AHRR: variants seen among roughly 807,000 people sequenced by gnomAD.
AHRR encodes ahR repressor.
AHRR carries 28 observed loss-of-function variants against 44.0 expected under a neutral mutation model. The observed-to-expected ratio is 0.64, with a 90% CI of 0.47 to 0.87. AHRR has a LOEUF of 0.87. Ranked by LOEUF, AHRR falls within the 40% of genes least tolerant of loss-of-function variation. AHRR has a pLI of 0.00. For synonymous variants in AHRR, 434 were observed against 407.0 expected (o/e 1.07, Z -0.80); for missense variants, 990 against 953.9 (o/e 1.04, Z -0.50).
At chr5:364,742 T>G (rs1743297682) in intron 3 of AHRR, among the ~76,000 whole-genome samples, 1 of 151,444 alleles carries the variant, frequency 6.6e-6, no homozygotes, top group Non-Finnish European at 1.5e-5. Flanking sequence ...CTATATGCTG[T>G]TTACAGAAAA....
chr5:345,510 G>C (rs1188625098), intron 2 of AHRR, among the ~76,000 whole-genome samples: 1 of 94,432 alleles, frequency 1.1e-5, no homozygotes, highest in African/African-American at 2.8e-5. Context: ...GGGGGGGAGG[G>C]GGTGTGTGTG....
intron 5 of AHRR, chr5:420,969 T>C (rs116565263): frequency 0.013 from 3,563 of 267,822 alleles, 119 homozygotes; most frequent in African/African-American, 0.099. Context: ...CTGGCACCGC[T>C]GAACAGCCAA....
At position 387,891 on chromosome 5, in the gene AHRR, G is replaced by A. The variant is rs746650879; in HGVS notation, c.351+11175G>A. On this transcript the variant is annotated intron_variant, in intron 4 of 10. Transcript: ENST00000684583. The surrounding 1 kb of genome is among the most constrained non-coding windows in gnomAD (Gnocchi z 5.1). ...AGCGCCGATGGGCTGCAAGCGAGGT[G>A]TTGGCAGGACGGGCCCCTTGACAAA... 6.6e-6 allele frequency among the ~76,000 whole-genome samples: 1 copy of A among 152,252 alleles called. No individual in the cohort carries two copies. The highest frequency in any genetic ancestry group is 1.5e-5 in the Non-Finnish European group (1 of 68,036).
intron 3 of AHRR, 55 bp from the exon 4 acceptor site, chr5:376,555 A>AGCGTGGGGT: frequency 7.0e-7 from 1 of 1,428,922 alleles, no homozygotes; most frequent in Non-Finnish European, 9.4e-7. Flanking sequence ...TGAATGAAGA[A>AGCGTGGGGT]GAGTGGCCAG....
intron 3 of AHRR, among the ~76,000 whole-genome samples, chr5:375,783 C>G (rs775022507): frequency 1.4e-4 from 22 of 152,130 alleles, no homozygotes; most frequent in Non-Finnish European, 2.8e-4. Context: ...GGGTGTCCCT[C>G]CCATGTCTCC....
intron 4 of AHRR, 50 bp from the exon 5 acceptor site, chr5:413,293 AT>A (rs771668203): frequency 1.5e-6 from 2 of 1,354,702 alleles, no homozygotes; most frequent in African/African-American, 3.0e-5. Context: ...GCACTTTTTC[AT>A]TTTGGGTGAG....
In AHRR at chr5:382,294, C is replaced by T. The variant is rs529549909; in HGVS notation, c.351+5578C>T. Among the ~76,000 whole-genome samples the T allele has an allele frequency of 7.9e-5, 12 of 152,276 alleles. No homozygotes were observed. In the South Asian group the frequency reaches 1.0e-3, roughly 13 times the overall value. ...GAATTCATTAGTTAAAACATCTTGT[C>T]TGGGAGATTTCTTTGTTAGAAGATT... On this transcript the variant is annotated intron_variant, in intron 4 of 10. Coordinates refer to ENST00000684583, the MANE Select transcript of AHRR (RefSeq NM_001377236.1).
At chr5:416,338 T>C (rs1308312286) in intron 5 of AHRR, among the ~76,000 whole-genome samples, 1 of 152,246 alleles carries the variant, frequency 6.6e-6, no homozygotes, top group Non-Finnish European at 1.5e-5. Flanking sequence ...CAGCGGTGTT[T>C]GCCTGCCAGG....
chr5:377,356 G>T (rs528184188), intron 4 of AHRR, among the ~76,000 whole-genome samples: 129 of 152,312 alleles, frequency 8.5e-4, no homozygotes, highest in African/African-American at 2.9e-3. Flanking sequence ...GAAGATGAAG[G>T]GGGTTGCTGC....
In AHRR at chr5:423,533, G is replaced by A. The variant is rs1736230467; in HGVS notation, c.572-308G>A. On this transcript the variant is annotated intron_variant, in intron 6 of 10. Coordinates refer to ENST00000684583, the MANE Select transcript of AHRR (RefSeq NM_001377236.1). The stretch of plus-strand genomic sequence containing the variant: ...CGGAAAGTTTCCACCATGACAGTAT[G>A]ATTGACCTTAAAACAGCAAAGCCCA... Among the ~76,000 whole-genome samples, 3 of 151,798 alleles carry A rather than the reference G, an allele frequency of 2.0e-5. No individual in the cohort carries two copies. The Admixed American group carries it at 2.0e-4, about 10-fold the overall frequency.
intron 10 of AHRR, 105 bp downstream of exon 10, chr5:433,052 G>A (rs1736813457): frequency 1.6e-5 from 22 of 1,353,646 alleles, no homozygotes; most frequent in East Asian, 1.5e-4. Flanking sequence ...TAAAAAAGAC[G>A]ACAGCAGCCT....
intron 4 of AHRR, among the ~76,000 whole-genome samples, chr5:403,185 G>T (rs536024653): frequency 6.6e-6 from 1 of 152,176 alleles, no homozygotes; most frequent in East Asian, 1.9e-4. Flanking sequence ...GCAGAAAGCG[G>T]GTGGGACGTA....
intron 4 of AHRR, among the ~76,000 whole-genome samples, chr5:403,214 T>TG (rs1260636313): frequency 6.7e-6 from 1 of 149,574 alleles, no homozygotes; most frequent in South Asian, 2.1e-4. Context: ...AGGAGGGGAG[T>TG]GGGGGTGAGT....
intron 1 of AHRR, among the ~76,000 whole-genome samples, chr5:322,115 G>A (rs766049337): frequency 1.3e-5 from 2 of 151,952 alleles, no homozygotes; most frequent in Non-Finnish European, 2.9e-5. Context: ...CGTTCCGTGC[G>A]GGCCGCGCTC....
intron 10 of AHRR, 103 bp from the exon 11 acceptor site, chr5:433,750 A>G: frequency 7.8e-7 from 1 of 1,285,244 alleles, no homozygotes; most frequent in Middle Eastern, 2.9e-4. Flanking sequence ...TGGCAGATTT[A>G]GCATCGTCCT....
In AHRR at chr5:433,972, G is replaced by T. The variant is rs748227240; in HGVS notation, c.1232G>T (p.Gly411Val). ...ACAGCGGGAAAGCACAGTGAGGATG[G>T]TGCCAGGCCGAGGCTGCAGCCCAGC... ...PWTAGKHSED[G>V]ARPRLQPSKN... is the part of the protein sequence containing the mutation. The change falls in exon 11 of 11, where the codon GGT (glycine) becomes GTT (valine). Residue 411 changes from glycine to valine, a missense_variant. Coordinates refer to ENST00000684583, the MANE Select transcript of AHRR (RefSeq NM_001377236.1). 2 of 1,566,318 alleles carry T rather than the reference G, an allele frequency of 1.3e-6. No homozygotes were observed. The highest frequency in any genetic ancestry group is 4.5e-5 in the East Asian group (2 of 44,508).
intron 4 of AHRR, among the ~76,000 whole-genome samples, chr5:379,943 T>C (rs147877139): frequency 2.1e-3 from 315 of 152,366 alleles, no homozygotes; most frequent in African/African-American, 7.1e-3. Context: ...TGCTTTCTTC[T>C]AAAGTTGTAT....
At chr5:350,860 A>G (rs1184565019) in intron 2 of AHRR, among the ~76,000 whole-genome samples, 1 of 152,106 alleles carries the variant, frequency 6.6e-6, no homozygotes, top group African/African-American at 2.4e-5. Flanking sequence ...GTACTCAATA[A>G]GGGCCTGGTA....
chr5:428,390 C>T (rs568195241), intron 8 of AHRR, among the ~76,000 whole-genome samples: 18 of 152,346 alleles, frequency 1.2e-4, no homozygotes, highest in South Asian at 6.2e-4. Context: ...AGGTAGTTCC[C>T]GGCTGCAGGA....
Sources: gnomAD v4.1 joint callset for allele counts (sites outside exome capture counted in the v4.1 genomes callset) on GRCh38, gnomAD v4.1.1 for gene constraint, Gnocchi (gnomAD v3.1) non-coding constraint, MANE v1.5 for transcripts, NCBI Gene and HGNC (gene_info 2026-07-23, HGNC 2026-07-21) for gene names.